The following ROR1 variants were observed in gnomAD, a reference collection of about 807,000 sequenced individuals.
The protein encoded by ROR1 is ROR family WNT receptor 1, also known as inactive tyrosine-protein kinase transmembrane receptor ROR1.
A neutral mutation model predicts 78.8 loss-of-function variants in ROR1; 19 were observed. The ratio of observed to expected loss-of-function variants is 0.24; its 90% CI spans 0.17 to 0.35. The LOEUF (loss-of-function observed/expected upper bound fraction) is 0.35. Ranked by LOEUF, ROR1 falls within the 10% of genes least tolerant of loss-of-function variation. The probability of loss-of-function intolerance (pLI) is 1.00; values close to 1 mark genes in which losing one functional copy is unlikely to be tolerated. For synonymous variants in ROR1, 386 were observed against 433.6 expected (o/e 0.89, Z 1.36); for missense variants, 917 against 1,177.8 (o/e 0.78, Z 3.24).
intron 1 of ROR1, among the ~76,000 whole-genome samples, chr1:63,974,001 A>G (rs2100500514): frequency 6.6e-6 from 1 of 152,342 alleles, no homozygotes; most frequent in South Asian, 2.1e-4. Context: ...CATATGTGTA[A>G]TAAACCCACT....
intron 4 of ROR1, among the ~76,000 whole-genome samples, chr1:64,064,635 G>T (rs1646942567): frequency 6.6e-6 from 1 of 152,214 alleles, no homozygotes; most frequent in South Asian, 2.1e-4. Flanking sequence ...AGGCTGGGGA[G>T]AAGACAAAGC....
intron 4 of ROR1, among the ~76,000 whole-genome samples, chr1:64,056,494 G>A (rs1646875721): frequency 6.6e-6 from 1 of 151,916 alleles, no homozygotes; most frequent in African/African-American, 2.4e-5. Context: ...GGCCAACATG[G>A]TGAAACCCCG....
intron 1 of ROR1, among the ~76,000 whole-genome samples, chr1:63,965,360 G>A (rs1192891100): frequency 6.6e-6 from 1 of 152,130 alleles, no homozygotes; most frequent in East Asian, 1.9e-4. Context: ...CTTGCTCATG[G>A]CAAAAGTTGC....
chr1:64,133,215 C>A (rs1449050337), intron 4 of ROR1, among the ~76,000 whole-genome samples: 1 of 152,040 alleles, frequency 6.6e-6, no homozygotes, highest in Non-Finnish European at 1.5e-5. Context: ...GAGCATGGGT[C>A]AAGCCATGTC....
chr1:63,934,920 G>A (rs180851649), intron 1 of ROR1, among the ~76,000 whole-genome samples: 82 of 152,198 alleles, frequency 5.4e-4, no homozygotes, highest in Admixed American at 3.3e-3. Context: ...TCAAAGGAAG[G>A]ATGAGGGAGC....
intron 1 of ROR1, among the ~76,000 whole-genome samples, chr1:63,821,760 C>T (rs572227577): frequency 1.3e-5 from 2 of 152,334 alleles, no homozygotes; most frequent in South Asian, 4.1e-4. Flanking sequence ...CAGGCAGCTT[C>T]AGCCGTGAGG....
chr1:63,799,112 A>G (rs889459933), intron 1 of ROR1, among the ~76,000 whole-genome samples: 6 of 152,114 alleles, frequency 3.9e-5, no homozygotes, highest in South Asian at 2.1e-4. Flanking sequence ...TAAAGAAGAG[A>G]TGATCATGTC....
chr1:64,096,697 A>G (rs1466442311), intron 4 of ROR1, among the ~76,000 whole-genome samples: 1 of 152,256 alleles, frequency 6.6e-6, no homozygotes, highest in African/African-American at 2.4e-5. Flanking sequence ...TAGTGCTGTA[A>G]TGAACATACT....
intron 4 of ROR1, among the ~76,000 whole-genome samples, chr1:64,121,059 C>CTTTTTTTTTTT (rs200292093): frequency 1.2e-4 from 10 of 82,024 alleles, no homozygotes; most frequent in Non-Finnish European, 1.6e-4. Context: ...GGAGATACCC[C>CTTTTTTTTTTT]TTTTTTTTTT....
intron 1 of ROR1, among the ~76,000 whole-genome samples, chr1:63,892,538 G>A (rs1345765829): frequency 6.6e-6 from 1 of 152,160 alleles, no homozygotes; most frequent in Non-Finnish European, 1.5e-5. Context: ...CTATTTTACA[G>A]ATGTGAAAGC....
chr1:64,027,302 G>C (rs1219499461), intron 2 of ROR1, among the ~76,000 whole-genome samples: 1 of 152,108 alleles, frequency 6.6e-6, no homozygotes, highest in African/African-American at 2.4e-5. Context: ...TAAAAGGTGG[G>C]CTCCTGGAGT....
chr1:63,900,471 G>T (rs1392694274), intron 1 of ROR1, among the ~76,000 whole-genome samples: 1 of 105,710 alleles, frequency 9.5e-6, no homozygotes, highest in Non-Finnish European at 2.1e-5. Flanking sequence ...AAAAAAAAAA[G>T]GAAAAGTTAA....
intron 1 of ROR1, among the ~76,000 whole-genome samples, chr1:63,900,289 A>G (rs1224353388): frequency 6.6e-6 from 1 of 152,048 alleles, no homozygotes; most frequent in Non-Finnish European, 1.5e-5. Context: ...CCTTGTCTCT[A>G]CTAAAAATAC....
intron 2 of ROR1, among the ~76,000 whole-genome samples, chr1:64,027,736 G>A (rs1646625711): frequency 2.0e-5 from 3 of 150,404 alleles, no homozygotes; most frequent in African/African-American, 7.4e-5. Context: ...TTGCCAGGCT[G>A]GAATGCAGTG....
chr1:64,091,338 A>G (rs1364679362), intron 4 of ROR1, among the ~76,000 whole-genome samples: 1 of 152,200 alleles, frequency 6.6e-6, no homozygotes, highest in African/African-American at 2.4e-5. Flanking sequence ...CACATTTCAC[A>G]TTAACAAATC....
chr1:64,079,733 C>T (rs574015327), intron 4 of ROR1, among the ~76,000 whole-genome samples: 65 of 152,214 alleles, frequency 4.3e-4, no homozygotes, highest in Admixed American at 2.5e-3. Context: ...CTGCCCTCCT[C>T]GGCCTCCCAA....
intron 1 of ROR1, among the ~76,000 whole-genome samples, chr1:63,919,026 C>T (rs1454122387): frequency 6.6e-6 from 1 of 152,088 alleles, no homozygotes; most frequent in Non-Finnish European, 1.5e-5. Flanking sequence ...TTCTAAAAAA[C>T]TGACAAATCT....
intron 2 of ROR1, among the ~76,000 whole-genome samples, chr1:64,018,430 C>T (rs1646538707): frequency 6.6e-6 from 1 of 152,182 alleles, no homozygotes; most frequent in Non-Finnish European, 1.5e-5. Flanking sequence ...ACCCAGCTCA[C>T]ACTTCACCAC....
rs186899565 is a variant in ROR1, at chr1:64,094,215, A to G, written c.483-43154A>G. Among the ~76,000 whole-genome samples, 95 of 152,270 alleles carry G rather than the reference A, an allele frequency of 6.2e-4. 1 individual carries two copies. The highest frequency in any genetic ancestry group is 2.1e-3 in the African/African-American group (89 of 41,562). ...AAAGTTTTCTATGTCTATTGCAAGC[A>G]TGTTTTGCCTTTAACAAACAACACC... On this transcript the variant is annotated intron_variant, in intron 4 of 8. Transcript: ENST00000371079.
Sources: allele counts gnomAD v4.1 joint callset (sites outside exome capture counted in the v4.1 genomes callset), GRCh38; gene constraint gnomAD v4.1.1; transcripts MANE v1.5; gene names NCBI Gene and HGNC (gene_info 2026-07-23, HGNC 2026-07-21).